The following TYW1 variants were observed in gnomAD, a reference collection of about 807,000 sequenced individuals.
The protein encoded by TYW1 is S-adenosyl-L-methionine-dependent tRNA 4-demethylwyosine synthase TYW1.
Under a neutral mutation model 96.2 loss-of-function variants are expected in TYW1, and 46 were observed. The ratio of observed to expected loss-of-function variants is 0.48; its 90% CI spans 0.38 to 0.61. The LOEUF is 0.61. Among genes scored for constraint, TYW1 ranks in the 20% least tolerant of loss-of-function variants. The probability of loss-of-function intolerance (pLI) is 0.00; values close to 1 mark genes in which losing one functional copy is unlikely to be tolerated. For missense variants in TYW1, 684 were observed against 909.6 expected, an observed-to-expected ratio of 0.75 and a Z score of 3.19; for synonymous variants, 274 against 323.0, an observed-to-expected ratio of 0.85 and a Z score of 1.63.
At chr7:67,015,585 C>T (rs1793987656) in intron 5 of TYW1, among the ~76,000 whole-genome samples, 1 of 152,016 alleles carries the variant, frequency 6.6e-6, no homozygotes, top group South Asian at 2.1e-4. Context: ...CTCCTGGCCT[C>T]AAGCAGTCCT....
intron 15 of TYW1, among the ~76,000 whole-genome samples, chr7:67,200,578 A>G (rs908248716): frequency 1.3e-5 from 2 of 152,164 alleles, no homozygotes; most frequent in Non-Finnish European, 2.9e-5. Context: ...CCTTCCCACA[A>G]TACGTGGGAA....
chr7:67,007,983 T>G (rs1473890654), intron 3 of TYW1, among the ~76,000 whole-genome samples: 1 of 152,168 alleles, frequency 6.6e-6, no homozygotes, highest in Non-Finnish European at 1.5e-5. Context: ...TTGGGAGTTA[T>G]CATTAGCCCA....
intron 13 of TYW1, among the ~76,000 whole-genome samples, chr7:67,124,992 C>T (rs1428849804): frequency 6.6e-6 from 1 of 152,106 alleles, no homozygotes; most frequent in Non-Finnish European, 1.5e-5. Flanking sequence ...CACCACCATG[C>T]CCAGCTAATT....
At chr7:67,024,004 C>T (rs1199149271) in intron 6 of TYW1, among the ~76,000 whole-genome samples, 1 of 152,044 alleles carries the variant, frequency 6.6e-6, no homozygotes, top group African/African-American at 2.4e-5. Flanking sequence ...AGTAGATACT[C>T]AGCAAATGTG....
chr7:67,013,752 T>G (rs886162069), intron 4 of TYW1, among the ~76,000 whole-genome samples: 5 of 143,814 alleles, frequency 3.5e-5, no homozygotes, highest in Non-Finnish European at 7.6e-5. Flanking sequence ...TTTTTTTTTT[T>G]TTTTTTTTTG....
At chr7:67,018,309 T>TG (rs1794098878) in intron 6 of TYW1, among the ~76,000 whole-genome samples, 166 bp downstream of exon 6, 1 of 151,922 alleles carries the variant, frequency 6.6e-6, no homozygotes, top group Non-Finnish European at 1.5e-5. Flanking sequence ...GAGACCAAGG[T>TG]GGGGGTATTG....
intron 10 of TYW1, among the ~76,000 whole-genome samples, chr7:67,075,177 A>G (rs1328470448): frequency 6.6e-6 from 1 of 152,240 alleles, no homozygotes; most frequent in East Asian, 1.9e-4. Flanking sequence ...CAATTTTCAG[A>G]AGGATATATT....
chr7:67,207,553 T>A (rs930592373), intron 15 of TYW1, among the ~76,000 whole-genome samples: 4 of 152,174 alleles, frequency 2.6e-5, no homozygotes, highest in Non-Finnish European at 5.9e-5. Flanking sequence ...GTCATCCCTA[T>A]CTACTGTACT....
chr7:67,100,117 T>C (rs994497089), intron 12 of TYW1, among the ~76,000 whole-genome samples: 1 of 151,846 alleles, frequency 6.6e-6, no homozygotes, highest in African/African-American at 2.4e-5. Flanking sequence ...GTTCCAGCCA[T>C]GTTGATTGCT....
chr7:67,000,517 T>G (rs1793349097), intron 3 of TYW1, among the ~76,000 whole-genome samples: 1 of 152,054 alleles, frequency 6.6e-6, no homozygotes, highest in African/African-American at 2.4e-5. Flanking sequence ...CACACTGCTC[T>G]CAAACTCCTG....
chr7:67,030,150 TA>T (rs1794626388), intron 7 of TYW1, among the ~76,000 whole-genome samples: 1 of 152,210 alleles, frequency 6.6e-6, no homozygotes, highest in African/African-American at 2.4e-5. Context: ...CAAGATTGGT[TA>T]AATCATTGGG....
chr7:67,162,713 G>C (rs574964197), intron 13 of TYW1, among the ~76,000 whole-genome samples: 1 of 152,110 alleles, frequency 6.6e-6, no homozygotes, highest in African/African-American at 2.4e-5. Context: ...CAATATCCTC[G>C]GACATCCAAG....
At chr7:67,171,310 G>C (rs1353873959) in intron 13 of TYW1, among the ~76,000 whole-genome samples, 1 of 152,204 alleles carries the variant, frequency 6.6e-6, no homozygotes, top group East Asian at 1.9e-4. Flanking sequence ...GGTCCGTTTA[G>C]TTGATTTTTT....
chr7:67,099,038 T>G (rs1797009964), intron 12 of TYW1, among the ~76,000 whole-genome samples: 1 of 151,482 alleles, frequency 6.6e-6, no homozygotes, highest in Admixed American at 6.6e-5. Context: ...ATTATTTTTT[T>G]TTTTTGAGTC....
chr7:67,017,477 T>C (rs1794064253), intron 5 of TYW1, among the ~76,000 whole-genome samples: 1 of 152,234 alleles, frequency 6.6e-6, no homozygotes, highest in African/African-American at 2.4e-5. Context: ...TGAGTAGGCT[T>C]AGGCCCCATA....
intron 13 of TYW1, among the ~76,000 whole-genome samples, chr7:67,172,841 T>A (rs1177898890): frequency 2.6e-5 from 4 of 152,002 alleles, no homozygotes; most frequent in African/African-American, 9.7e-5. Context: ...ACAAACAAGC[T>A]GGATGTGGTG....
intron 14 of TYW1, among the ~76,000 whole-genome samples, chr7:67,184,434 A>G (rs1267378079): frequency 6.6e-6 from 1 of 151,898 alleles, no homozygotes; most frequent in African/African-American, 2.4e-5. Context: ...GTATACTCCA[A>G]TCAGGAGTCA....
At chr7:67,181,823 ATTC>A (rs200548398) in intron 13 of TYW1, among the ~76,000 whole-genome samples, 2,776 of 152,050 alleles carry the variant, frequency 0.018, 44 homozygotes, top group Non-Finnish European at 0.026. Context: ...ATTTTAAGCC[ATTC>A]TTCTTCTTAT....
chr7:67,167,536 T>A (rs1465424734), intron 13 of TYW1, among the ~76,000 whole-genome samples: 5 of 150,270 alleles, frequency 3.3e-5, no homozygotes, highest in Non-Finnish European at 7.4e-5. Context: ...TTCCTAGACA[T>A]TGTGTTGTTT....
Sources: allele counts gnomAD v4.1 joint callset (sites outside exome capture counted in the v4.1 genomes callset), GRCh38; gene constraint gnomAD v4.1.1; transcripts MANE v1.5; gene names NCBI Gene and HGNC (gene_info 2026-07-23, HGNC 2026-07-21).